The following ROBO1 variants were observed in gnomAD, a reference collection of about 807,000 sequenced individuals.
The protein encoded by ROBO1 is roundabout homolog 1.
ROBO1 carries 149 observed loss-of-function variants against 195.9 expected under a neutral mutation model. The ratio of observed to expected loss-of-function variants is 0.76; its 90% CI spans 0.67 to 0.87. The LOEUF is 0.87. ROBO1 is among the 40% of genes least tolerant of loss of function. The pLI is 0.00. For synonymous variants in ROBO1, 816 were observed against 733.2 expected (o/e 1.11, Z -1.82); for missense variants, 1,933 against 2,068.3 (o/e 0.93, Z 1.27).
intron 3 of ROBO1, among the ~76,000 whole-genome samples, chr3:79,003,520 A>G (rs1009398838): frequency 5.3e-5 from 8 of 152,184 alleles, no homozygotes; most frequent in Non-Finnish European, 1.2e-4. Context: ...TACTTTACAT[A>G]TGTCAACTTA....
At chr3:79,350,628 C>T (rs943678550) in intron 2 of ROBO1, among the ~76,000 whole-genome samples, 8 of 152,084 alleles carry the variant, frequency 5.3e-5, no homozygotes, top group Non-Finnish European at 1.2e-4. Flanking sequence ...AAAAGGATGG[C>T]TACATGCTAC....
At chr3:78,890,930 GT>G (rs910317999) in intron 4 of ROBO1, among the ~76,000 whole-genome samples, 4 of 151,964 alleles carry the variant, frequency 2.6e-5, no homozygotes, top group Non-Finnish European at 5.9e-5. Context: ...CCCAACTAAT[GT>G]TTTTTTAGAC....
chr3:79,679,987 T>A (rs2106963747), intron 1 of ROBO1, among the ~76,000 whole-genome samples: 1 of 152,104 alleles, frequency 6.6e-6, no homozygotes, highest in South Asian at 2.1e-4. Context: ...TCAGCATAGA[T>A]TATGCTTCCA....
chr3:78,868,065 C>T (rs2107103505), intron 4 of ROBO1, among the ~76,000 whole-genome samples: 1 of 152,246 alleles, frequency 6.6e-6, no homozygotes, highest in Admixed American at 6.5e-5. Context: ...TTATTCTGTT[C>T]AATGAGACAT....
intron 2 of ROBO1, among the ~76,000 whole-genome samples, chr3:79,309,262 T>G (rs138604487): frequency 3.3e-5 from 5 of 152,276 alleles, no homozygotes; most frequent in African/African-American, 1.2e-4. Flanking sequence ...ACATACTAAA[T>G]AATTTTAAGA....
In ROBO1 at chr3:79,331,272, C is replaced by A. The variant is rs563409929; in HGVS notation, c.89-205733G>T. Among the ~76,000 whole-genome samples the A allele has an allele frequency of 1.2e-4, 19 of 152,152 alleles. No homozygotes were observed. In the East Asian group the frequency reaches 3.7e-3, roughly 29 times the overall value. On this transcript the variant is annotated intron_variant, in intron 2 of 30. Coordinates refer to ENST00000464233, the MANE Select transcript of ROBO1 (RefSeq NM_002941.4). ...CTCTTGAATTCACCATTAAAAAACC[C>A]AATTTGATGTTGAATACTATAAAGT...
intron 2 of ROBO1, among the ~76,000 whole-genome samples, chr3:79,210,581 T>A (rs2081951208): frequency 6.6e-6 from 1 of 152,112 alleles, no homozygotes; most frequent in South Asian, 2.1e-4. Context: ...CATCTTTTCA[T>A]ATGAGAAAAG....
intron 3 of ROBO1, among the ~76,000 whole-genome samples, chr3:78,963,904 C>T (rs1366202578): frequency 6.6e-6 from 1 of 152,072 alleles, no homozygotes; most frequent in Non-Finnish European, 1.5e-5. Flanking sequence ...CTTTGGGCTG[C>T]AATAACAAAG....
intron 2 of ROBO1, among the ~76,000 whole-genome samples, chr3:79,339,320 C>T (rs906166256): frequency 1.6e-4 from 24 of 152,130 alleles, no homozygotes; most frequent in African/African-American, 5.6e-4. Flanking sequence ...TGTAATGGAC[C>T]GTAAGAGCCT....
chr3:79,649,641 T>C (rs1016413477), intron 1 of ROBO1, among the ~76,000 whole-genome samples: 2 of 152,076 alleles, frequency 1.3e-5, no homozygotes, highest in African/African-American at 4.8e-5. Context: ...AGGTGTCAAC[T>C]TGAATGGATG....
chr3:78,697,376 A>G (rs1664311522), intron 8 of ROBO1, among the ~76,000 whole-genome samples: 1 of 152,180 alleles, frequency 6.6e-6, no homozygotes, highest in Admixed American at 6.5e-5. Context: ...GAAAAACATT[A>G]TACAGAGGTT....
intron 2 of ROBO1, among the ~76,000 whole-genome samples, chr3:79,422,191 T>A (rs977543000): frequency 2.0e-5 from 3 of 148,448 alleles, no homozygotes; most frequent in Non-Finnish European, 3.0e-5. Context: ...TATTATATTA[T>A]ATATTTTGTA....
chr3:79,619,406 C>A (rs955490721), intron 1 of ROBO1, among the ~76,000 whole-genome samples: 1 of 152,106 alleles, frequency 6.6e-6, no homozygotes, highest in Non-Finnish European at 1.5e-5. Context: ...TGACCTAAAA[C>A]GTAAATGTCT....
At chr3:79,108,959 A>G (rs1247469806) in intron 3 of ROBO1, among the ~76,000 whole-genome samples, 1 of 152,070 alleles carries the variant, frequency 6.6e-6, no homozygotes, top group East Asian at 1.9e-4. Flanking sequence ...AATAATAAGT[A>G]TTTTATGCAG....
chr3:79,089,880 C>T (rs560163020), intron 3 of ROBO1, among the ~76,000 whole-genome samples: 6 of 151,562 alleles, frequency 4.0e-5, no homozygotes, highest in South Asian at 4.2e-4. Flanking sequence ...AGTCAATTTA[C>T]GACAGTTGTT....
chr3:79,706,279 G>A (rs754676246), intron 1 of ROBO1, among the ~76,000 whole-genome samples: 3 of 152,072 alleles, frequency 2.0e-5, no homozygotes, highest in African/African-American at 4.8e-5. Context: ...ATGAGTTTGT[G>A]TATAAATGTT....
At chr3:79,471,740 G>C (rs538887684) in intron 2 of ROBO1, among the ~76,000 whole-genome samples, 1 of 152,184 alleles carries the variant, frequency 6.6e-6, no homozygotes, top group South Asian at 2.1e-4. Flanking sequence ...ATACACCATG[G>C]AATACTATGC....
chr3:79,266,875 G>A (rs1430492244), intron 2 of ROBO1, among the ~76,000 whole-genome samples: 1 of 151,412 alleles, frequency 6.6e-6, no homozygotes, highest in African/African-American at 2.4e-5. Flanking sequence ...ATGATACAAG[G>A]GATAACTATT....
In ROBO1 at chr3:79,176,633, T is replaced by G. The variant is rs2081265681; in HGVS notation, c.89-51094A>C. 2.0e-5 allele frequency among the ~76,000 whole-genome samples: 3 copies of G among 152,076 alleles called. No homozygotes were observed. In the South Asian group the frequency reaches 6.2e-4, roughly 32 times the overall value. On this transcript the variant is annotated intron_variant, in intron 2 of 30. Coordinates refer to ENST00000464233, the MANE Select transcript of ROBO1 (RefSeq NM_002941.4). ...CCATTACATCTGGCTAATTTTTCTA[T>G]TTTTAGTAGTGTTGAAATTTCACCA...
Sources: gnomAD v4.1 joint callset for allele counts (sites outside exome capture counted in the v4.1 genomes callset) on GRCh38, gnomAD v4.1.1 for gene constraint, MANE v1.5 for transcripts, NCBI Gene and HGNC (gene_info 2026-07-23, HGNC 2026-07-21) for gene names.